Variants in SAMD4A observed in about 807,000 individuals in gnomAD.
SAMD4A encodes the protein protein Smaug homolog 1.
SAMD4A carries 33 observed loss-of-function variants against 81.3 expected under a neutral mutation model. The observed-to-expected ratio is 0.41, with a 90% confidence interval of 0.31 to 0.54. SAMD4A has a LOEUF of 0.54. Among genes scored for constraint, SAMD4A ranks in the 20% least tolerant of loss-of-function variants. SAMD4A has a pLI of 0.37. For synonymous variants in SAMD4A, 389 were observed against 382.1 expected (o/e 1.02, Z -0.21); for missense variants, 854 against 951.1 (o/e 0.90, Z 1.34).
intron 7 of SAMD4A, among the ~76,000 whole-genome samples, chr14:54,761,478 C>T (rs1194433082): frequency 6.6e-6 from 1 of 152,256 alleles, no homozygotes; most frequent in Non-Finnish European, 1.5e-5. Flanking sequence ...CCATTCTACA[C>T]TCCAGACTTT....
chr14:54,690,196 A>G (rs542795732), intron 2 of SAMD4A: 2 of 152,218 alleles, frequency 1.3e-5, no homozygotes, highest in South Asian at 2.1e-4. Context: ...ACTGAGCTCA[A>G]TTGTGGTAGA....
intron 2 of SAMD4A, among the ~76,000 whole-genome samples, chr14:54,624,973 A>G (rs2034710777): frequency 6.6e-6 from 1 of 152,332 alleles, no homozygotes; most frequent in South Asian, 2.1e-4. Context: ...AATGACAGCA[A>G]TAGTCAGTCA....
At chr14:54,752,699 G>A (rs529568559) in intron 6 of SAMD4A, among the ~76,000 whole-genome samples, 14 of 152,326 alleles carry the variant, frequency 9.2e-5, no homozygotes, top group African/African-American at 3.4e-4. Flanking sequence ...ACAAAGTATA[G>A]AGAAACAACA....
chr14:54,636,324 G>A (rs1004394732), intron 2 of SAMD4A, among the ~76,000 whole-genome samples: 2 of 152,140 alleles, frequency 1.3e-5, no homozygotes, highest in Admixed American at 1.3e-4. Context: ...GAAGGGTGGT[G>A]GGAGGCGAAA....
intron 2 of SAMD4A, among the ~76,000 whole-genome samples, chr14:54,573,990 A>G (rs1448568640): frequency 6.6e-6 from 1 of 152,228 alleles, no homozygotes; most frequent in African/African-American, 2.4e-5. Flanking sequence ...TTTACTAGGA[A>G]AAAGCAATCA....
At chr14:54,725,093 A>G (rs2037380578) in intron 3 of SAMD4A, among the ~76,000 whole-genome samples, 1 of 152,210 alleles carries the variant, frequency 6.6e-6, no homozygotes, top group South Asian at 2.1e-4. Flanking sequence ...GAATGAATTC[A>G]TCTGCTCCAA....
intron 2 of SAMD4A, among the ~76,000 whole-genome samples, chr14:54,616,663 C>A (rs1244938268): frequency 1.3e-5 from 2 of 152,166 alleles, no homozygotes; most frequent in Non-Finnish European, 2.9e-5. Context: ...TAATATGGAA[C>A]CCAATAGTTG....
At chr14:54,674,533 T>G (rs1442177681) in intron 2 of SAMD4A, among the ~76,000 whole-genome samples, 1 of 151,912 alleles carries the variant, frequency 6.6e-6, no homozygotes, top group Non-Finnish European at 1.5e-5. Flanking sequence ...CTGGTGTAGA[T>G]ACTGGTGTGG....
intron 2 of SAMD4A, among the ~76,000 whole-genome samples, chr14:54,570,538 C>T (rs549693909): frequency 1.3e-5 from 2 of 152,216 alleles, no homozygotes; most frequent in Admixed American, 6.5e-5. Flanking sequence ...TAAAAAGTGA[C>T]CCCTGACAGC....
At chr14:54,720,413 A>G (rs2037230818) in intron 3 of SAMD4A, among the ~76,000 whole-genome samples, 1 of 152,180 alleles carries the variant, frequency 6.6e-6, no homozygotes, top group Admixed American at 6.6e-5. Context: ...TTTAAGAGGA[A>G]GGGACCTAGA....
intron 2 of SAMD4A, among the ~76,000 whole-genome samples, chr14:54,652,999 A>T (rs1465547739): frequency 6.6e-6 from 1 of 152,032 alleles, no homozygotes; most frequent in Non-Finnish European, 1.5e-5. Context: ...CCAGCCGTCC[A>T]CTATGAACCT....
At chr14:54,740,670 T>C (rs753465437) in intron 4 of SAMD4A, among the ~76,000 whole-genome samples, 1 of 152,120 alleles carries the variant, frequency 6.6e-6, no homozygotes, top group African/African-American at 2.4e-5. Flanking sequence ...ATAAATCTCA[T>C]GGTCCAGCAT....
chr14:54,581,221 C>T (rs112263588), intron 2 of SAMD4A, among the ~76,000 whole-genome samples: 28 of 152,324 alleles, frequency 1.8e-4, no homozygotes, highest in African/African-American at 5.8e-4. Context: ...TAAACTGTAT[C>T]GTATTATACA....
intron 2 of SAMD4A, among the ~76,000 whole-genome samples, chr14:54,662,504 G>A (rs1412093236): frequency 1.3e-5 from 2 of 151,408 alleles, no homozygotes; most frequent in African/African-American, 4.9e-5. Flanking sequence ...CCACCTCCCA[G>A]GTTCAAGCGA....
At chr14:54,727,259 G>A (rs1407101163) in intron 3 of SAMD4A, among the ~76,000 whole-genome samples, 2 of 123,498 alleles carry the variant, frequency 1.6e-5, no homozygotes, top group Non-Finnish European at 3.1e-5. Flanking sequence ...GCACGATCTC[G>A]GCTTACTGCA....
At chr14:54,723,018 G>A (rs182966648) in intron 3 of SAMD4A, among the ~76,000 whole-genome samples, 1 of 152,238 alleles carries the variant, frequency 6.6e-6, no homozygotes, top group African/African-American at 2.4e-5. Context: ...TACCTTGTGA[G>A]TCAGTGTTCA....
intron 2 of SAMD4A, among the ~76,000 whole-genome samples, chr14:54,603,724 G>T: frequency 6.6e-6 from 1 of 151,064 alleles, no homozygotes; most frequent in Non-Finnish European, 1.5e-5. Context: ...TTTACATTTG[G>T]TGCATTCAGC....
intron 11 of SAMD4A, among the ~76,000 whole-genome samples, chr14:54,780,822 G>T (rs1594938722): frequency 6.6e-6 from 1 of 152,042 alleles, no homozygotes; most frequent in Non-Finnish European, 1.5e-5. Flanking sequence ...CCAGAGAAAA[G>T]GTGCGTTCCC....
At position 54,793,077 on chromosome 14, in the gene SAMD4A, T is replaced by C. The variant is rs1040702834; in HGVS notation, c.*4133T>C. 9 of 152,248 alleles carry C rather than the reference T, an allele frequency of 5.9e-5. No homozygotes were observed. Among genetic ancestry groups the C allele is most frequent in the African/African-American group, 2.2e-4 (9 of 41,480 alleles). The allele number at this position is 152,248 out of a possible 1,614,324, so 9.4% of individuals were successfully genotyped here. ...AAATTTGTCATATATGGAAAGAGCA[T>C]GTTTGTTACATGTAAAAGCTTTACT... On this transcript the variant is annotated 3_prime_UTR_variant, in exon 13 of 13. Transcript: ENST00000554335.
Sources: allele counts gnomAD v4.1 joint callset (sites outside exome capture counted in the v4.1 genomes callset), GRCh38; gene constraint gnomAD v4.1.1; transcripts MANE v1.5; gene names NCBI Gene and HGNC (gene_info 2026-07-23, HGNC 2026-07-21).